The following MALRD1 variants were observed in gnomAD, a reference collection of about 807,000 sequenced individuals.
MALRD1 encodes MAM and LDL receptor class A domain containing 1.
In MALRD1, 247 loss-of-function variants were observed where a neutral mutation model predicts 242.1. That is an observed-to-expected ratio of 1.02 (90% CI 0.92 to 1.13). The LOEUF (loss-of-function observed/expected upper bound fraction) is 1.13. Among genes scored for constraint, MALRD1 ranks in the 50% most tolerant of loss-of-function variants. MALRD1 has a pLI of 0.00. For synonymous variants in MALRD1, 995 were observed against 866.6 expected, an observed-to-expected ratio of 1.15 and a Z score of -2.60; for missense variants, 2,989 against 2,533.1, an observed-to-expected ratio of 1.18 and a Z score of -3.86.
chr10:19,463,716 C>T (rs939163761), intron 29 of MALRD1, among the ~76,000 whole-genome samples: 1 of 152,044 alleles, frequency 6.6e-6, no homozygotes, highest in African/African-American at 2.4e-5. Flanking sequence ...ACTTCTTTTC[C>T]TCTGGGTAGA....
At chr10:19,239,355 T>C (rs1346352562) in intron 18 of MALRD1, among the ~76,000 whole-genome samples, 1 of 152,160 alleles carries the variant, frequency 6.6e-6, no homozygotes, top group East Asian at 1.9e-4. Flanking sequence ...ATTTGTGTTT[T>C]TGCTGTTGAG....
chr10:19,322,933 C>G (rs535256982), intron 21 of MALRD1, among the ~76,000 whole-genome samples: 1 of 152,138 alleles, frequency 6.6e-6, no homozygotes. Flanking sequence ...CGGATCACTT[C>G]TTTATGCTTC....
rs189155651 is a variant in MALRD1 at position 19,239,691 on chromosome 10, G to A, written c.2992-17993G>A. ...GATTTTTGTATAAGGTAAAAGATAG[G>A]GGTCTAATTTCATTATCCCACATGT... On this transcript the variant is annotated intron_variant, in intron 18 of 39. Coordinates refer to ENST00000454679, the MANE Select transcript of MALRD1 (RefSeq NM_001142308.3). Among the ~76,000 whole-genome samples, 7 of 152,092 alleles carry A rather than the reference G, an allele frequency of 4.6e-5. No individual in the cohort carries two copies. The East Asian group carries it at 1.4e-3, about 29-fold the overall frequency.
chr10:19,229,315 G>A (rs1837945814), intron 18 of MALRD1, among the ~76,000 whole-genome samples: 2 of 152,042 alleles, frequency 1.3e-5, no homozygotes, highest in East Asian at 1.9e-4. Flanking sequence ...GTTTTGAGGA[G>A]ATATTTACAC....
Position 19,347,868 on chromosome 10 carries a change from C to T in MALRD1, c.3999C>T (p.Ile1333=), listed in dbSNP as rs1052826806. The part of the protein sequence containing the change: ...DFDWNLKASS[I]PAAGTEPAAD... ...ACTGGAACCTGAAAGCTAGCAGCAT[C>T]CCTGCAGCAGGCACAGAGCCAGCAG... Residue 1333 remains isoleucine, a synonymous_variant, in exon 25 of 40, where the codon ATC becomes ATT. Coordinates refer to ENST00000454679, the MANE Select transcript of MALRD1 (RefSeq NM_001142308.3). 3 of 1,550,280 alleles carry T rather than the reference C, an allele frequency of 1.9e-6. No homozygotes were observed. The highest frequency in any genetic ancestry group is 2.6e-6 in the Non-Finnish European group (3 of 1,146,852).
At chr10:19,542,268 A>G (rs1835004629) in intron 32 of MALRD1, among the ~76,000 whole-genome samples, 1 of 152,106 alleles carries the variant, frequency 6.6e-6, no homozygotes. Flanking sequence ...AAAACCATTT[A>G]ATATACTTGA....
intron 14 of MALRD1, among the ~76,000 whole-genome samples, chr10:19,181,731 A>T (rs1478432344): frequency 6.9e-6 from 1 of 144,460 alleles, no homozygotes; most frequent in Non-Finnish European, 1.6e-5. Flanking sequence ...TACTCTTGCC[A>T]CAAAAAAAGA....
chr10:19,424,919 A>G (rs529795051), intron 28 of MALRD1, among the ~76,000 whole-genome samples: 303 of 152,012 alleles, frequency 2.0e-3, no homozygotes, highest in Non-Finnish European at 3.1e-3. Context: ...TGTCAAAAGA[A>G]CCAAAGAGTG....
chr10:19,588,997 A>T (rs1266697591), intron 33 of MALRD1, among the ~76,000 whole-genome samples: 1 of 152,176 alleles, frequency 6.6e-6, no homozygotes, highest in African/African-American at 2.4e-5. Flanking sequence ...GCTGATGTTT[A>T]TGTGCTTGTC....
intron 36 of MALRD1, among the ~76,000 whole-genome samples, chr10:19,675,863 A>G (rs1358189754): frequency 1.3e-5 from 2 of 152,330 alleles, no homozygotes; most frequent in Middle Eastern, 3.4e-3. Context: ...GGGCAGTACT[A>G]TGTTATTAAG....
chr10:19,056,758 T>C (rs1170826453), intron 1 of MALRD1, among the ~76,000 whole-genome samples: 1 of 152,166 alleles, frequency 6.6e-6, no homozygotes, highest in African/African-American at 2.4e-5. Flanking sequence ...TTTTGTTTTG[T>C]CCCTGATCTT....
intron 18 of MALRD1, among the ~76,000 whole-genome samples, chr10:19,242,708 T>A (rs7900641): frequency 0.036 from 5,549 of 152,180 alleles, 242 homozygotes; most frequent in East Asian, 0.17. Flanking sequence ...ATAGTTTTTT[T>A]ATTTAAAGCC....
At chr10:19,717,055 A>G (rs1478139122) in intron 38 of MALRD1, among the ~76,000 whole-genome samples, 2 of 152,228 alleles carry the variant, frequency 1.3e-5, no homozygotes, top group African/African-American at 2.4e-5. Flanking sequence ...AATAGATACT[A>G]TCAGGTGTTT....
In MALRD1 at chr10:19,692,472, C is replaced by T; in HGVS notation, c.6232C>T (p.Leu2078=). The T allele has an allele frequency of 1.3e-6, 2 of 1,535,692 alleles. No individual in the cohort carries two copies. Among genetic ancestry groups the T allele is most frequent in the Non-Finnish European group, 1.7e-6 (2 of 1,146,502 alleles). ...TYAQNNTWTL[L]GIGLAFLMTH... ...TAAAATTCCAGATACATGGACTCTCCTGGGTATTGGATTAGCATTCCTGAT... is the reference window on the plus strand; with the variant it reads ...TAAAATTCCAGATACATGGACTCTCTTGGGTATTGGATTAGCATTCCTGAT... The change falls in exon 38 of 40, where the codon CTG becomes TTG. Residue 2078 remains leucine, a synonymous_variant. Transcript: ENST00000454679.
intron 31 of MALRD1, among the ~76,000 whole-genome samples, chr10:19,530,359 T>C (rs1393818943): frequency 9.3e-6 from 1 of 107,020 alleles, no homozygotes; most frequent in Non-Finnish European, 1.7e-5. Context: ...TATATAATAT[T>C]TATATAAATA....
At chr10:19,621,284 G>T (rs1228077020) in intron 36 of MALRD1, among the ~76,000 whole-genome samples, 3 of 147,870 alleles carry the variant, frequency 2.0e-5, no homozygotes, top group South Asian at 2.1e-4. Context: ...ATATAATTGG[G>T]GATATTTGAA....
At chr10:19,655,439 C>G (rs1307827562) in intron 36 of MALRD1, among the ~76,000 whole-genome samples, 1 of 149,354 alleles carries the variant, frequency 6.7e-6, no homozygotes, top group Non-Finnish European at 1.5e-5. Flanking sequence ...TGAAGATATT[C>G]TTGACATCAA....
intron 29 of MALRD1, among the ~76,000 whole-genome samples, chr10:19,484,037 C>T (rs1014382759): frequency 7.9e-5 from 12 of 152,118 alleles, no homozygotes; most frequent in African/African-American, 2.9e-4. Flanking sequence ...AAACCAAATA[C>T]CACATCTTCT....
chr10:19,632,328 G>C lies in MALRD1; in HGVS notation c.6137+16405G>C, dbSNP rs112661565. ...CTGTCCTTCCACCTTCCAATCTCCA[G>C]TTGCTATCTTCCGTAGGCCAAGAAC... On this transcript the variant is annotated intron_variant, in intron 36 of 39. Coordinates refer to ENST00000454679, the MANE Select transcript of MALRD1 (RefSeq NM_001142308.3). Among the ~76,000 whole-genome samples the C allele has an allele frequency of 3.6e-3, 550 of 152,162 alleles. 3 individuals carry two copies. Among genetic ancestry groups the C allele is most frequent in the Non-Finnish European group, 5.8e-3 (395 of 68,008 alleles).
Sources: gnomAD v4.1 joint callset for allele counts (sites outside exome capture counted in the v4.1 genomes callset) on GRCh38, gnomAD v4.1.1 for gene constraint, MANE v1.5 for transcripts, NCBI Gene and HGNC (gene_info 2026-07-23, HGNC 2026-07-21) for gene names.